Variants in CYP2B6 observed in about 807,000 individuals in gnomAD.
The protein encoded by CYP2B6 is cytochrome P450 family 2 subfamily B member 6.
A neutral mutation model predicts 43.4 loss-of-function variants in CYP2B6; 35 were observed. The ratio of observed to expected loss-of-function variants is 0.81; its 90% CI spans 0.62 to 1.07. The LOEUF is 1.07. CYP2B6 is among the 50% of genes least tolerant of loss of function. CYP2B6 has a pLI of 0.00. For synonymous variants in CYP2B6, 239 were observed against 239.2 expected (o/e 1.00, Z 0.01); for missense variants, 624 against 632.8 (o/e 0.99, Z 0.15).
intron 1 of CYP2B6, among the ~76,000 whole-genome samples, chr19:40,997,653 C>G (rs1177325903): frequency 6.6e-6 from 1 of 152,102 alleles, no homozygotes; most frequent in Admixed American, 6.5e-5. Context: ...CTTTGGTTAT[C>G]AGTTAGACAC....
At chr19:41,003,783 C>T (rs1050456578) in intron 1 of CYP2B6, among the ~76,000 whole-genome samples, 1 of 152,172 alleles carries the variant, frequency 6.6e-6, no homozygotes, top group South Asian at 2.1e-4. Flanking sequence ...CTGGCCCAAC[C>T]AGAAACGGAA....
At chr19:41,004,236 A>G in intron 2 of CYP2B6, 61 bp from the exon 3 acceptor site, 24 of 1,613,434 alleles carry the variant, frequency 1.5e-5, no homozygotes, top group Non-Finnish European at 2.0e-5. Context: ...GGGAGGAAGA[A>G]GGACTCAGAG....
chr19:41,011,988 ACC>A (rs1488115767), intron 6 of CYP2B6, among the ~76,000 whole-genome samples: 1 of 151,964 alleles, frequency 6.6e-6, no homozygotes, highest in African/African-American at 2.4e-5. Flanking sequence ...TTGCTCTGTC[ACC>A]CAGTCTAGAG....
intron 1 of CYP2B6, among the ~76,000 whole-genome samples, chr19:40,992,201 CAAA>C (rs561830421): frequency 9.6e-5 from 6 of 62,572 alleles, no homozygotes; most frequent in Admixed American, 3.5e-4. Context: ...GACTCCTTCT[CAAA>C]AAAAAAAAAA....
Position 41,017,627 on chromosome 19 carries a change from G to C in CYP2B6, c.*800G>C, listed in dbSNP as rs966386924. The C allele has an allele frequency of 6.6e-6, 1 of 152,008 alleles. No individual in the cohort carries two copies. The highest frequency in any genetic ancestry group is 3.4e-3 in the Middle Eastern group (1 of 292). The allele number at this position is 152,008 out of a possible 1,614,324, so 9.4% of individuals were successfully genotyped here. On this transcript the variant is annotated 3_prime_UTR_variant, in exon 9 of 9. Coordinates refer to ENST00000324071, the MANE Select transcript of CYP2B6 (RefSeq NM_000767.5). ...TGGTATCACAGGCGTCCCCCACCAC[G>C]CCTGGCTAAATTTTGTATTTTTAGG...
At position 40,992,674 on chromosome 19, in the gene CYP2B6, C is replaced by T. The variant is rs1486156238; in HGVS notation, c.171+1198C>T. Among the ~76,000 whole-genome samples, 5 of 152,038 alleles carry T rather than the reference C, an allele frequency of 3.3e-5. No individual in the cohort carries two copies. In the South Asian group the frequency reaches 1.0e-3, roughly 32 times the overall value. On this transcript the variant is annotated intron_variant, in intron 1 of 8. Transcript: ENST00000324071. ...AGCTGGAACTACAGGTGCATGCCACCACGCCCAGCTAATTTTTGTATTTTT... is the reference window on the plus strand; with the variant it reads ...AGCTGGAACTACAGGTGCATGCCACTACGCCCAGCTAATTTTTGTATTTTT...
In CYP2B6 at chr19:41,016,928, A is replaced by C. The variant is rs1599855019; in HGVS notation, c.*101A>C. On this transcript the variant is annotated 3_prime_UTR_variant, in exon 9 of 9. Coordinates refer to ENST00000324071, the MANE Select transcript of CYP2B6 (RefSeq NM_000767.5). ...CCCCGCAACTTCCTGCCTCTGAGAG[A>C]CCTGCTACAAGCCAGCTTCCTTCCC... The C allele has an allele frequency of 1.5e-6, 2 of 1,293,122 alleles. No homozygotes were observed. Among genetic ancestry groups the C allele is most frequent in the Non-Finnish European group, 2.1e-6 (2 of 931,970 alleles). The allele number at this position is 1,293,122 out of a possible 1,614,324, so 80.1% of individuals were successfully genotyped here.
intron 1 of CYP2B6, among the ~76,000 whole-genome samples, chr19:41,002,266 A>T (rs1969103514): frequency 6.6e-6 from 1 of 152,148 alleles, no homozygotes; most frequent in South Asian, 2.1e-4. Context: ...CATGTCATCC[A>T]GAAGTCCAGT....
In CYP2B6 at chr19:40,999,052, G is replaced by C. The variant is rs1299854816; in HGVS notation, c.172-4949G>C. The stretch of plus-strand genomic sequence containing the variant: ...TTACAGTCCCACCAACAGTGTAAAA[G>C]TGTTCCTATTTCTCCACATCTTCTC... On this transcript the variant is annotated intron_variant, in intron 1 of 8. Transcript: ENST00000324071. Among the ~76,000 whole-genome samples, 7 of 144,136 alleles carry C rather than the reference G, an allele frequency of 4.9e-5. No individual in the cohort carries two copies. In the East Asian group the frequency reaches 1.2e-3, roughly 25 times the overall value. 94.6% of individuals were successfully genotyped at this position (144,136 alleles called of 152,430 possible).
At position 41,010,052 on chromosome 19, in the gene CYP2B6, C is replaced by T. The variant is rs1315971029; in HGVS notation, c.881C>T (p.Ser294Leu). The change falls in exon 6 of 9, where the codon TCG becomes TTG. Residue 294 changes from serine (S) to leucine (L), a missense_variant. By Grantham distance (145) the Ser-to-Leu change is moderately radical. Coordinates refer to ENST00000324071, the MANE Select transcript of CYP2B6 (RefSeq NM_000767.5). ...SHQNLNLNTLSLFFAGTETTS... is the reference protein window; with the variant it reads ...SHQNLNLNTLLLFFAGTETTS... ...CAGAACCTCAACCTCAACACGCTCT[C>T]GCTCTTCTTTGCTGGCACTGAGACC... 8.1e-6 allele frequency: 13 copies of T among 1,614,166 alleles called. No individual in the cohort carries two copies. Among genetic ancestry groups the T allele is most frequent in the Middle Eastern group, 1.7e-4 (1 of 6,058 alleles).
chr19:41,008,161 A>G lies in CYP2B6; in HGVS notation c.646-1058A>G, dbSNP rs191267868. 3.8e-3 allele frequency among the ~76,000 whole-genome samples: 583 copies of G among 152,008 alleles called. 3 individuals are homozygous for G. The highest frequency in any genetic ancestry group is 6.8e-3 in the Middle Eastern group (2 of 292). ...ATTAACCTGGAAATATGCCTATTAC[A>G]TATTAAATTTAAGAATATCAAGCTG... On this transcript the variant is annotated intron_variant, in intron 4 of 8. Coordinates refer to ENST00000324071, the MANE Select transcript of CYP2B6 (RefSeq NM_000767.5).
chr19:41,015,373 A>G (rs183068891), intron 8 of CYP2B6, among the ~76,000 whole-genome samples: 205 of 152,296 alleles, frequency 1.3e-3, no homozygotes, highest in African/African-American at 4.8e-3. Context: ...CCTTCTGGGT[A>G]TGCCAAAGGG....
chr19:41,012,947 T>G (rs895306560), intron 8 of CYP2B6, 132 bp downstream of exon 8: 8 of 1,065,470 alleles, frequency 7.5e-6, no homozygotes, highest in African/African-American at 1.6e-5. Context: ...CCTTATCCCA[T>G]TCCATCTTCA....
intron 8 of CYP2B6, chr19:41,013,075 A>T: frequency 2.1e-6 from 1 of 485,190 alleles, no homozygotes; most frequent in Non-Finnish European, 3.7e-6. Context: ...TCATTTTCTT[A>T]AAAAGAAAAA....
In CYP2B6 at chr19:41,006,972, T is replaced by C. The variant is rs115016447; in HGVS notation, c.552T>C (p.Phe184=). 323 of 1,613,882 alleles carry C rather than the reference T, an allele frequency of 2.0e-4. No individual in the cohort carries two copies. The African/African-American group carries it at 3.6e-3, about 18-fold the overall frequency. The change falls in exon 4 of 9, where the codon TTT becomes TTC. Residue 184 remains phenylalanine (F), a synonymous_variant. Coordinates refer to ENST00000324071, the MANE Select transcript of CYP2B6 (RefSeq NM_000767.5). ...ITANIICSIV[F]GKRFHYQDQE... is the part of the protein sequence containing the mutation. ...CCAACATCATCTGCTCCATCGTCTT[T>C]GGAAAACGATTCCACTACCAAGATC... is the stretch of plus-strand genomic sequence containing the variant.
chr19:40,999,493 G>T (rs1043033021), intron 1 of CYP2B6, among the ~76,000 whole-genome samples: 1 of 152,016 alleles, frequency 6.6e-6, no homozygotes. Flanking sequence ...TGAAGTCCTT[G>T]CCCATGCCTA....
Position 40,999,211 on chromosome 19 carries a change from C to A in CYP2B6, c.172-4790C>A, listed in dbSNP as rs529340757. ...CATTTTTTCATGTGTTTTTTGGCTGCATAAATGTCTTCTTTTGAAAAGTGT... is the reference window on the plus strand; with the variant it reads ...CATTTTTTCATGTGTTTTTTGGCTGAATAAATGTCTTCTTTTGAAAAGTGT... On this transcript the variant is annotated intron_variant, in intron 1 of 8. Transcript: ENST00000324071. 1.3e-4 allele frequency among the ~76,000 whole-genome samples: 20 copies of A among 152,260 alleles called. No homozygotes were observed. The South Asian group carries it at 3.5e-3, about 27-fold the overall frequency.
chr19:41,013,468 C>T (rs1174333099), intron 8 of CYP2B6, among the ~76,000 whole-genome samples: 194 of 152,248 alleles, frequency 1.3e-3, no homozygotes, highest in African/African-American at 4.6e-3. Flanking sequence ...ATCAATCAAC[C>T]ATTGCAAAGT....
At chr19:41,002,693 T>A (rs930795535) in intron 1 of CYP2B6, among the ~76,000 whole-genome samples, 2 of 152,010 alleles carry the variant, frequency 1.3e-5, no homozygotes, top group Non-Finnish European at 2.9e-5. Flanking sequence ...GGACTACAGG[T>A]GAGAGCCACC....
Sources: gnomAD v4.1 joint callset for allele counts (sites outside exome capture counted in the v4.1 genomes callset) on GRCh38, gnomAD v4.1.1 for gene constraint, MANE v1.5 for transcripts, NCBI Gene and HGNC (gene_info 2026-07-23, HGNC 2026-07-21) for gene names.